ACSM1: variants seen among roughly 807,000 people sequenced by gnomAD.
ACSM1 encodes acyl-CoA synthetase medium chain family member 1, also known as acyl-coenzyme A synthetase ACSM1, mitochondrial.
ACSM1 carries 79 observed loss-of-function variants against 75.8 expected under a neutral mutation model. The observed-to-expected ratio is 1.04, with a 90% CI of 0.87 to 1.26. ACSM1 has a LOEUF of 1.26. ACSM1 is among the 50% of genes most tolerant of loss of function. The pLI is 0.00. For missense variants in ACSM1, 676 were observed against 720.1 expected (o/e 0.94, Z 0.70); for synonymous variants, 279 against 265.8 (o/e 1.05, Z -0.48).
At chr16:20,647,957 C>A (rs1008344816) in intron 7 of ACSM1, among the ~76,000 whole-genome samples, 7 of 152,210 alleles carry the variant, frequency 4.6e-5, no homozygotes. Flanking sequence ...TTGACCTCCT[C>A]ATTCTCACCA....
intron 3 of ACSM1, 25 bp downstream of exon 3, chr16:20,685,168 A>G: frequency 1.2e-6 from 2 of 1,613,588 alleles, no homozygotes; most frequent in Admixed American, 3.3e-5. Flanking sequence ...CCCGAGGTCC[A>G]CCAGGTCCCT....
In ACSM1 at chr16:20,648,513, G is replaced by C. The variant is rs570258113; in HGVS notation, c.993-7929C>G. Among the ~76,000 whole-genome samples, 2 of 152,138 alleles carry C rather than the reference G, an allele frequency of 1.3e-5. No individual in the cohort carries two copies. Among genetic ancestry groups the C allele is most frequent in the African/African-American group, 2.4e-5 (1 of 41,418 alleles). ...CAAGAGGTCAGGCCATGATGGAAAT[G>C]GGTGGTTGGATGTACCTCATTATAC... On this transcript the variant is annotated intron_variant, in intron 7 of 13. Coordinates refer to ENST00000520010, the MANE Select transcript of ACSM1 (RefSeq NM_001318890.3). The surrounding 1 kb of genome is among the most constrained non-coding windows in gnomAD (Gnocchi z 4.2).
chr16:20,634,787 G>T (rs958393422), intron 10 of ACSM1, among the ~76,000 whole-genome samples: 1 of 152,062 alleles, frequency 6.6e-6, no homozygotes, highest in Non-Finnish European at 1.5e-5. Flanking sequence ...GTACAACATT[G>T]TTACTTTATT....
chr16:20,672,016 AC>A (rs939784045), intron 4 of ACSM1, among the ~76,000 whole-genome samples: 36 of 152,156 alleles, frequency 2.4e-4, no homozygotes, highest in African/African-American at 8.4e-4. Context: ...TCAATGAGTT[AC>A]AAATATGAAC....
At chr16:20,642,275 C>A (rs1012308071) in intron 7 of ACSM1, among the ~76,000 whole-genome samples, 35 of 151,896 alleles carry the variant, frequency 2.3e-4, no homozygotes, top group Non-Finnish European at 4.4e-5. Context: ...ATGTGAGGAA[C>A]AGGAAAGGGA....
chr16:20,647,054 C>T (rs2018407374), intron 7 of ACSM1, among the ~76,000 whole-genome samples: 1 of 152,230 alleles, frequency 6.6e-6, no homozygotes, highest in Non-Finnish European at 1.5e-5. Context: ...CCTCAATTTC[C>T]TTTCCCTCTG....
rs539780671 is a variant in ACSM1 at position 20,692,641 on chromosome 16, G to C, written c.-51-1402C>G. Among the ~76,000 whole-genome samples, 213 of 152,162 alleles carry C rather than the reference G, an allele frequency of 1.4e-3. 1 individual carries two copies. The highest frequency in any genetic ancestry group is 2.2e-3 in the Non-Finnish European group (152 of 68,032). ...AAGGAAAGAAAACAAAGAGGAAATG[G>C]GGTTCTTTATAGAATGTGGATTTTT... On this transcript the variant is annotated intron_variant, in intron 1 of 13. Transcript: ENST00000520010.
rs1596809322 is a variant in ACSM1, at chr16:20,637,383, G to T, written c.1185C>A (p.Pro395=). 1 of 1,614,096 alleles carries T rather than the reference G, an allele frequency of 6.2e-7. No individual in the cohort carries two copies. The highest frequency in any genetic ancestry group is 8.5e-7 in the Non-Finnish European group (1 of 1,179,972). The change falls in exon 9 of 14, where the codon CCC becomes CCA. Residue 395 remains proline (P), a synonymous_variant. Transcript: ENST00000520010. ...CTTAGGACCAGACCTGGACGTCGTAGGGTGGAGTGGCCTTCCCCATGAAAC... is the reference window on the plus strand; with the variant it reads ...CTTAGGACCAGACCTGGACGTCGTATGGTGGAGTGGCCTTCCCCATGAAAC... The part of the protein sequence containing the change: ...KPGFMGKATP[P]YDVQVIDDKG...
chr16:20,696,128 C>T (rs1567317888), intron 1 of ACSM1, among the ~76,000 whole-genome samples: 1 of 152,186 alleles, frequency 6.6e-6, no homozygotes, highest in South Asian at 2.1e-4. Flanking sequence ...TATAGCATAT[C>T]GCCTATATGT....
intron 10 of ACSM1, among the ~76,000 whole-genome samples, chr16:20,633,988 A>G (rs2017502615): frequency 6.6e-6 from 1 of 152,242 alleles, no homozygotes; most frequent in Non-Finnish European, 1.5e-5. Context: ...AACTTACTAC[A>G]AAACTACAGT....
intron 4 of ACSM1, chr16:20,679,679 C>A (rs2079397401): frequency 6.6e-6 from 1 of 152,184 alleles, no homozygotes; most frequent in East Asian, 1.9e-4. Flanking sequence ...GTAAGGAATA[C>A]CATAGTTAAA....
chr16:20,646,823 G>A (rs1031903749), intron 7 of ACSM1, among the ~76,000 whole-genome samples: 2 of 152,164 alleles, frequency 1.3e-5, no homozygotes, highest in African/African-American at 2.4e-5. Context: ...TAACTTCTGA[G>A]GGAACACCTA....
intron 7 of ACSM1, among the ~76,000 whole-genome samples, chr16:20,650,546 C>A (rs1250402706): frequency 6.6e-6 from 1 of 151,914 alleles, no homozygotes; most frequent in Admixed American, 6.6e-5. Context: ...GAGAGAGAAA[C>A]CCAGACACCT....
chr16:20,652,426 G>A (rs2018694528), intron 7 of ACSM1, among the ~76,000 whole-genome samples: 1 of 151,666 alleles, frequency 6.6e-6, no homozygotes, highest in African/African-American at 2.4e-5. Context: ...AAATAAAGAG[G>A]TATTTTTGAC....
chr16:20,686,105 T>C (rs1181605700), intron 2 of ACSM1, among the ~76,000 whole-genome samples: 1 of 152,152 alleles, frequency 6.6e-6, no homozygotes, highest in African/African-American at 2.4e-5. Flanking sequence ...GTTATTTACA[T>C]AAAGCATGTA....
At chr16:20,663,946 C>T (rs982350990) in intron 6 of ACSM1, among the ~76,000 whole-genome samples, 1 of 151,974 alleles carries the variant, frequency 6.6e-6, no homozygotes, top group Non-Finnish European at 1.5e-5. Flanking sequence ...GAAATTGGCA[C>T]TTAGTAGGTG....
chr16:20,687,506 C>G (rs2079574657), intron 2 of ACSM1, among the ~76,000 whole-genome samples: 1 of 152,072 alleles, frequency 6.6e-6, no homozygotes, highest in African/African-American at 2.4e-5. Context: ...CTCTTCAAGA[C>G]TGAGAGAGGG....
intron 7 of ACSM1, among the ~76,000 whole-genome samples, chr16:20,656,189 C>T (rs2018948185): frequency 6.6e-6 from 1 of 152,030 alleles, no homozygotes; most frequent in African/African-American, 2.4e-5. Context: ...GTCTTTTATT[C>T]TGCATGCCTG....
In ACSM1 at chr16:20,669,249, G is replaced by A. The variant is rs145008808; in HGVS notation, c.912+578C>T. ...CAGGGTTAAGTACTTTACACATATC[G>A]CCTCTATCATCTCATTAATATTACC... On this transcript the variant is annotated intron_variant, in intron 6 of 13. Transcript: ENST00000520010. Among the ~76,000 whole-genome samples the A allele has an allele frequency of 4.6e-5, 7 of 152,048 alleles. 2 individuals are homozygous for A. In the South Asian group the frequency reaches 1.0e-3, roughly 23 times the overall value.
Sources: allele counts gnomAD v4.1 joint callset (sites outside exome capture counted in the v4.1 genomes callset), GRCh38; gene constraint gnomAD v4.1.1; non-coding constraint Gnocchi (gnomAD v3.1); transcripts MANE v1.5; gene names NCBI Gene and HGNC (gene_info 2026-07-23, HGNC 2026-07-21).